The following THOC7 variants were observed in gnomAD, a reference collection of about 807,000 sequenced individuals.
THOC7 encodes THO complex subunit 7.
A neutral mutation model predicts 33.1 loss-of-function variants in THOC7; 22 were observed. The ratio of observed to expected loss-of-function variants is 0.66; its 90% CI spans 0.47 to 0.95. The LOEUF is 0.95. Ranked by LOEUF, THOC7 falls within the 40% of genes least tolerant of loss-of-function variation. THOC7 has a pLI of 0.00. For missense variants in THOC7, 184 were observed against 245.3 expected, an observed-to-expected ratio of 0.75 and a Z score of 1.67; for synonymous variants, 77 against 76.8, an observed-to-expected ratio of 1.00 and a Z score of -0.01.
intron 5 of THOC7, among the ~76,000 whole-genome samples, chr3:63,836,088 T>A (rs891483410): frequency 6.6e-6 from 1 of 152,068 alleles, no homozygotes; most frequent in South Asian, 2.1e-4. Context: ...CATTGTGATA[T>A]TGATGCATAT....
At chr3:63,845,204 T>C in intron 1 of THOC7, 1 of 480,690 alleles carries the variant, frequency 2.1e-6, no homozygotes, top group Non-Finnish European at 3.7e-6. Context: ...CTGATATCTT[T>C]GGCTTTGGGG....
intron 1 of THOC7, chr3:63,863,430 C>T (rs1478659992): frequency 1.9e-5 from 21 of 1,104,002 alleles, no homozygotes; most frequent in Non-Finnish European, 2.3e-5. Flanking sequence ...TGGTCCCACC[C>T]GCCCTTGCAC....
intron 1 of THOC7, among the ~76,000 whole-genome samples, chr3:63,862,823 C>T (rs1702258608): frequency 6.6e-6 from 1 of 152,126 alleles, no homozygotes; most frequent in Admixed American, 6.5e-5. Context: ...TAACCAGATA[C>T]CTTGTAGGTT....
rs144500770 is a variant in THOC7, at chr3:63,837,139, A to G, written c.353-781T>C. ...TCATTGTTTTAGAACTGAGCATATT[A>G]ATTCAAAGTATGATTCTTTTGGATA... On this transcript the variant is annotated intron_variant, in intron 4 of 7. Coordinates refer to ENST00000295899, the MANE Select transcript of THOC7 (RefSeq NM_025075.4). Among the ~76,000 whole-genome samples the G allele has an allele frequency of 1.4e-4, 21 of 152,094 alleles. No homozygotes were observed. In the East Asian group the frequency reaches 4.1e-3, roughly 29 times the overall value.
At chr3:63,856,420 T>C (rs2107162204) in intron 1 of THOC7, among the ~76,000 whole-genome samples, 1 of 152,300 alleles carries the variant, frequency 6.6e-6, no homozygotes, top group South Asian at 2.1e-4. Flanking sequence ...TTATAACAAA[T>C]GATAAATGCT....
intron 3 of THOC7, 48 bp downstream of exon 3, chr3:63,838,324 T>C (rs747905880): frequency 5.4e-6 from 7 of 1,302,558 alleles, no homozygotes; most frequent in Non-Finnish European, 6.4e-6. Flanking sequence ...TTGTTTCCTT[T>C]AGACCATAAA....
intron 1 of THOC7, chr3:63,848,660 T>A (rs1393007819): frequency 6.6e-6 from 1 of 152,178 alleles, no homozygotes; most frequent in Non-Finnish European, 1.5e-5. Context: ...TACTTTTTGG[T>A]TGACAAATTT....
chr3:63,851,354 A>C (rs866129043), intron 1 of THOC7, among the ~76,000 whole-genome samples: 3 of 152,242 alleles, frequency 2.0e-5, no homozygotes, highest in Middle Eastern at 3.2e-3. Flanking sequence ...TCTCACCTAC[A>C]TAACAACCTG....
At chr3:63,854,113 GCA>G (rs1462937889) in intron 1 of THOC7, among the ~76,000 whole-genome samples, 1 of 152,132 alleles carries the variant, frequency 6.6e-6, no homozygotes, top group East Asian at 1.9e-4. Context: ...CTGAAATTGT[GCA>G]CAGAGAGTTG....
intron 1 of THOC7, among the ~76,000 whole-genome samples, chr3:63,851,188 G>A (rs1350252018): frequency 6.6e-6 from 1 of 152,170 alleles, no homozygotes; most frequent in African/African-American, 2.4e-5. Flanking sequence ...AGAGCCATCT[G>A]TCAAGCATCA....
rs568574226 is a variant in THOC7, at chr3:63,850,187, G to A, written c.20-10414C>T. Among the ~76,000 whole-genome samples, 142 of 152,108 alleles carry A rather than the reference G, an allele frequency of 9.3e-4. 6 individuals carry two copies. In the South Asian group the frequency reaches 0.029, roughly 31 times the overall value. On this transcript the variant is annotated intron_variant, in intron 1 of 7. Transcript: ENST00000295899. Reference sequence around the variant, plus strand: ...TCAGTAATTCCTAGAAGTAATTTGGGACTGCCGGCTTTTATTTATTTATTT... The same window carrying A: ...TCAGTAATTCCTAGAAGTAATTTGGAACTGCCGGCTTTTATTTATTTATTT...
At chr3:63,863,872 G>A, upstream of THOC7, 1 of 1,195,038 alleles carries the variant, frequency 8.4e-7, no homozygotes, top group Non-Finnish European at 1.0e-6. Context: ...CTCCCACAAT[G>A]CAGCCGGGTA....
At position 63,835,365 on chromosome 3, in the gene THOC7, A is replaced by G. The variant is rs1051050841; in HGVS notation, c.436T>C (p.Leu146=). 1.5e-5 allele frequency: 24 copies of G among 1,613,380 alleles called. No homozygotes were observed. The highest frequency in any genetic ancestry group is 1.9e-5 in the Non-Finnish European group (22 of 1,179,750). The change falls in exon 6 of 8, where the codon TTA becomes CTA. Residue 146 remains leucine, a synonymous_variant. Coordinates refer to ENST00000295899, the MANE Select transcript of THOC7 (RefSeq NM_025075.4). ...TCTTTAATGTGTGAAAGATGCTCTA[A>G]TTCTTTTCCCAGAGCCTCTAGTTCC... ...LKELEALGKE[L]EHLSHIKESV... is the part of the protein sequence containing the mutation.
At chr3:63,845,348 G>A (rs549779182) in intron 1 of THOC7, among the ~76,000 whole-genome samples, 8 of 152,086 alleles carry the variant, frequency 5.3e-5, no homozygotes, top group Non-Finnish European at 8.8e-5. Flanking sequence ...ACATTGTTTC[G>A]GCTCCCACTC....
chr3:63,863,707 A>AGGGGTCTCAGGGGAGGCCC, intron 1 of THOC7, 65 bp downstream of exon 1: 2 of 1,244,370 alleles, frequency 1.6e-6, no homozygotes, highest in Non-Finnish European at 2.0e-6. Flanking sequence ...CCGGGAGGCC[A>AGGGGTCTCAGGGGAGGCCC]GGGGTCTCAG....
At chr3:63,838,087 A>G (rs1411694409) in intron 3 of THOC7, 25 bp from the exon 4 acceptor site, 2 of 1,555,576 alleles carry the variant, frequency 1.3e-6, no homozygotes, top group Non-Finnish European at 1.7e-6. Context: ...TTTTTAAAAG[A>G]TAGTTGTAAC....
rs143752039 is a variant in THOC7 at position 63,836,347 on chromosome 3, A to G, written c.364T>C (p.Leu122=). Residue 122 remains leucine (L), a synonymous_variant, in exon 5 of 8, where the codon TTG becomes CTG. Coordinates refer to ENST00000295899, the MANE Select transcript of THOC7 (RefSeq NM_025075.4). ...IRKNRQEYDA[L]AKVIQHHPDR... ...GGATGGTGCTGAATCACTTTTGCCAAAGCATCATATTCTGTAAGACATAAA... is the reference window on the plus strand; with the variant it reads ...GGATGGTGCTGAATCACTTTTGCCAGAGCATCATATTCTGTAAGACATAAA... The G allele has an allele frequency of 1.4e-4, 226 of 1,612,486 alleles. 1 individual carries two copies. Among genetic ancestry groups the G allele is most frequent in the Non-Finnish European group, 1.8e-4 (214 of 1,179,110 alleles).
At chr3:63,850,585 C>CTTTT (rs61611564) in intron 1 of THOC7, among the ~76,000 whole-genome samples, 15 of 116,830 alleles carry the variant, frequency 1.3e-4, no homozygotes, top group Non-Finnish European at 2.1e-4. Flanking sequence ...TCTTTCTTTC[C>CTTTT]TTTTTTTTTT....
intron 1 of THOC7, 108 bp downstream of exon 1, chr3:63,863,664 G>T: frequency 8.1e-7 from 1 of 1,227,378 alleles, no homozygotes; most frequent in Non-Finnish European, 1.0e-6. Flanking sequence ...CTGGCGAAGA[G>T]GCCGGGGAGG....
Sources: allele counts gnomAD v4.1 joint callset (sites outside exome capture counted in the v4.1 genomes callset), GRCh38; gene constraint gnomAD v4.1.1; transcripts MANE v1.5; gene names NCBI Gene and HGNC (gene_info 2026-07-23, HGNC 2026-07-21).